CHL1: variants seen among roughly 807,000 people sequenced by gnomAD.
CHL1 encodes the protein cell adhesion molecule L1 like.
In CHL1, 96 loss-of-function variants were observed where a neutral mutation model predicts 141.9. The ratio of observed to expected loss-of-function variants is 0.68; its 90% CI spans 0.57 to 0.80. CHL1 has a LOEUF of 0.80. Among genes scored for constraint, CHL1 ranks in the 30% least tolerant of loss-of-function variants. The pLI is 0.00. For synonymous variants in CHL1, 613 were observed against 502.2 expected, an observed-to-expected ratio of 1.22 and a Z score of -2.95; for missense variants, 1,820 against 1,457.2, an observed-to-expected ratio of 1.25 and a Z score of -4.05.
intron 19 of CHL1, among the ~76,000 whole-genome samples, chr3:386,886 T>G (rs1019334465): frequency 2.6e-5 from 4 of 152,152 alleles, no homozygotes; most frequent in African/African-American, 9.7e-5. Context: ...GTTGAGAGAC[T>G]AGGTTTTAAG....
chr3:197,809 G>A (rs1310393732), intron 1 of CHL1: 2 of 456,508 alleles, frequency 4.4e-6, no homozygotes, highest in Non-Finnish European at 8.8e-6. Flanking sequence ...CGGAGCCCGG[G>A]GGGCTGGAGA....
intron 15 of CHL1, among the ~76,000 whole-genome samples, chr3:375,710 A>G (rs1217007471): frequency 6.6e-6 from 1 of 152,074 alleles, no homozygotes; most frequent in East Asian, 1.9e-4. Context: ...TGCACTAATC[A>G]CTTTATGTGC....
intron 9 of CHL1, among the ~76,000 whole-genome samples, chr3:347,654 G>T (rs556516534): frequency 2.0e-5 from 3 of 152,278 alleles, no homozygotes; most frequent in East Asian, 3.9e-4. Context: ...TGTTTTAGGG[G>T]AAGTGAGTTC....
At chr3:320,012 A>C in intron 3 of CHL1, 145 bp downstream of exon 3, 1 of 572,592 alleles carries the variant, frequency 1.7e-6, no homozygotes, top group Admixed American at 3.3e-5. Flanking sequence ...ATTCATATCT[A>C]TCTTTTTCGT....
At chr3:279,000 G>A (rs906339698) in intron 2 of CHL1, among the ~76,000 whole-genome samples, 4 of 152,184 alleles carry the variant, frequency 2.6e-5, no homozygotes, top group East Asian at 3.9e-4. Flanking sequence ...TATTTCTCAC[G>A]CTCAGATCTT....
intron 1 of CHL1, among the ~76,000 whole-genome samples, chr3:210,081 C>T (rs915577486): frequency 6.6e-6 from 1 of 152,162 alleles, no homozygotes; most frequent in Non-Finnish European, 1.5e-5. Context: ...ATATGAGATT[C>T]TTGGGGTATC....
chr3:401,722 A>C (rs760127619), intron 27 of CHL1, 24 bp downstream of exon 27: 3 of 1,312,742 alleles, frequency 2.3e-6, no homozygotes, highest in African/African-American at 1.5e-5. Flanking sequence ...TCTGTTGTAA[A>C]ATAAAACACA....
rs999746453 is a variant in CHL1, at chr3:408,051, A to G, written c.*2340A>G. On this transcript the variant is annotated 3_prime_UTR_variant, in exon 28 of 28. Coordinates refer to ENST00000256509, the MANE Select transcript of CHL1 (RefSeq NM_006614.4). ...ACCCTGATTTTAATTGTGAAATTATATGATTCATATATTTTATGAATCAGA... is the reference window on the plus strand; with the variant it reads ...ACCCTGATTTTAATTGTGAAATTATGTGATTCATATATTTTATGAATCAGA... 1.3e-5 allele frequency: 2 copies of G among 152,180 alleles called. No individual in the cohort carries two copies. The highest frequency in any genetic ancestry group is 2.1e-4 in the South Asian group (1 of 4,824). The allele number at this position is 152,180 out of a possible 1,614,324, so 9.4% of individuals were successfully genotyped here.
intron 26 of CHL1, among the ~76,000 whole-genome samples, chr3:399,781 C>T (rs1439350795): frequency 6.6e-6 from 1 of 152,006 alleles, no homozygotes; most frequent in East Asian, 1.9e-4. Context: ...AAGAAGTGAC[C>T]CATGTATAGC....
At chr3:365,088 C>T (rs1300745898) in intron 14 of CHL1, among the ~76,000 whole-genome samples, 3 of 152,030 alleles carry the variant, frequency 2.0e-5, no homozygotes, top group East Asian at 1.9e-4. Flanking sequence ...TAGCCAGTTC[C>T]TTGAGAAAAA....
rs538383987 is a variant in CHL1, at chr3:206,819, A to G, written c.-175+9756A>G. On this transcript the variant is annotated intron_variant, in intron 1 of 27. Coordinates refer to ENST00000256509, the MANE Select transcript of CHL1 (RefSeq NM_006614.4). ...TCATTATCATTGTTTATTTCTTGGCAGAAATGTTTCTGATACTCTATGATA... is the reference window on the plus strand; with the variant it reads ...TCATTATCATTGTTTATTTCTTGGCGGAAATGTTTCTGATACTCTATGATA... Among the ~76,000 whole-genome samples, 15 of 152,342 alleles carry G rather than the reference A, an allele frequency of 9.8e-5. No homozygotes were observed. The South Asian group carries it at 2.9e-3, about 29-fold the overall frequency.
At chr3:395,217 A>G (rs1708573343) in intron 24 of CHL1, among the ~76,000 whole-genome samples, 1 of 152,216 alleles carries the variant, frequency 6.6e-6, no homozygotes, top group South Asian at 2.1e-4. Context: ...TCTTTTAGAA[A>G]TGTTTCCATA....
chr3:371,339 G>A (rs4586791), intron 15 of CHL1, among the ~76,000 whole-genome samples: 1 of 151,950 alleles, frequency 6.6e-6, no homozygotes, highest in Non-Finnish European at 1.5e-5. Context: ...TGGTTGAATT[G>A]TTCCCTTTAC....
intron 1 of CHL1, among the ~76,000 whole-genome samples, chr3:241,747 T>C (rs1295978943): frequency 6.6e-6 from 1 of 152,214 alleles, no homozygotes; most frequent in African/African-American, 2.4e-5. Flanking sequence ...TTCTTTTTAA[T>C]ATTTTCTTTT....
At chr3:396,804 G>T (rs895478464) in intron 24 of CHL1, among the ~76,000 whole-genome samples, 1 of 151,938 alleles carries the variant, frequency 6.6e-6, no homozygotes, top group South Asian at 2.1e-4. Context: ...TATAAGTACA[G>T]GGAAAAAAAT....
At chr3:358,255 T>A (rs534956359) in intron 11 of CHL1, among the ~76,000 whole-genome samples, 1 of 152,284 alleles carries the variant, frequency 6.6e-6, no homozygotes, top group Non-Finnish European at 1.5e-5. Flanking sequence ...CCCACATTCC[T>A]GGCTCCCTTC....
At chr3:358,150 C>CGA (rs1266932798) in intron 11 of CHL1, among the ~76,000 whole-genome samples, 1 of 152,162 alleles carries the variant, frequency 6.6e-6, no homozygotes, top group Non-Finnish European at 1.5e-5. Flanking sequence ...AAGTCCAACA[C>CGA]GAGTCTTGGC....
chr3:379,459 C>T (rs1264533177), intron 16 of CHL1, among the ~76,000 whole-genome samples: 1 of 152,046 alleles, frequency 6.6e-6, no homozygotes, highest in Non-Finnish European at 1.5e-5. Context: ...AATAATTCAT[C>T]AGATAAAGTA....
chr3:407,927 T>C lies in CHL1; in HGVS notation c.*2216T>C, dbSNP rs1267305112. 6.6e-6 allele frequency: 1 copy of C among 152,096 alleles called. No individual in the cohort carries two copies. The highest frequency in any genetic ancestry group is 6.6e-5 in the Admixed American group (1 of 15,258). The allele number at this position is 152,096 out of a possible 1,614,324, so 9.4% of individuals were successfully genotyped here. A position where few individuals can be genotyped will look rare whatever the true frequency, so the allele number is the denominator to read the frequency against. On this transcript the variant is annotated 3_prime_UTR_variant, in exon 28 of 28. Coordinates refer to ENST00000256509, the MANE Select transcript of CHL1 (RefSeq NM_006614.4). ...AAACTTATGGATATGAAAAATGAGATTGAATGATGACTATGCTTTGCTATC... is the reference window on the plus strand; with the variant it reads ...AAACTTATGGATATGAAAAATGAGACTGAATGATGACTATGCTTTGCTATC...
Sources: allele counts gnomAD v4.1 joint callset (sites outside exome capture counted in the v4.1 genomes callset), GRCh38; gene constraint gnomAD v4.1.1; transcripts MANE v1.5; gene names NCBI Gene and HGNC (gene_info 2026-07-23, HGNC 2026-07-21).